Variants in RBM47 observed in about 807,000 individuals in gnomAD.
The protein encoded by RBM47 is RNA binding motif protein 47.
Under a neutral mutation model 47.1 loss-of-function variants are expected in RBM47, and 21 were observed. The ratio of observed to expected loss-of-function variants is 0.45; its 90% CI spans 0.32 to 0.64. RBM47 has a LOEUF of 0.64. Among genes scored for constraint, RBM47 ranks in the 30% least tolerant of loss-of-function variants. The pLI is 0.05. For missense variants in RBM47, 708 were observed against 870.9 expected (o/e 0.81, Z 2.35); for synonymous variants, 375 against 361.7 (o/e 1.04, Z -0.42).
chr4:40,475,208 T>C (rs1210121814), intron 2 of RBM47, among the ~76,000 whole-genome samples: 1 of 152,244 alleles, frequency 6.6e-6, no homozygotes, highest in African/African-American at 2.4e-5. Flanking sequence ...ATGTCATCAT[T>C]GTCAACCTTT....
chr4:40,520,690 G>A (rs1726111797), intron 2 of RBM47, among the ~76,000 whole-genome samples: 1 of 152,186 alleles, frequency 6.6e-6, no homozygotes, highest in African/African-American at 2.4e-5. Flanking sequence ...CCCTTTAGAG[G>A]ACTTCAAAGA....
chr4:40,568,428 CAAAAAAAAAAAA>C (rs35434439), intron 1 of RBM47, among the ~76,000 whole-genome samples: 2 of 57,574 alleles, frequency 3.5e-5, no homozygotes, highest in South Asian at 6.9e-4. Context: ...AACCCTGTCT[CAAAAAAAAAAAA>C]AAAAAAAAAA....
Position 40,438,640 on chromosome 4 carries a change from T to G in RBM47, c.254A>C (p.Asp85Ala), listed in dbSNP as rs752449513. Reference sequence around the variant, plus strand: ...GGCCTCGAACACGGGCACCAGCTCGTCCTCGTACACGTCGCGCGGGATCTT... The same window carrying G: ...GGCCTCGAACACGGGCACCAGCTCGGCCTCGTACACGTCGCGCGGGATCTT... The part of the protein sequence containing the change: ...VGKIPRDVYE[D>A]ELVPVFEAVG... The change falls in exon 4 of 7, where the codon GAC becomes GCC. Residue 85 changes from aspartate to alanine, a missense_variant. Transcript: ENST00000295971. 1.2e-6 allele frequency: 2 copies of G among 1,613,118 alleles called. No homozygotes were observed. The highest frequency in any genetic ancestry group is 1.7e-6 in the Non-Finnish European group (2 of 1,179,474).
At chr4:40,495,587 A>T (rs1216688768) in intron 2 of RBM47, among the ~76,000 whole-genome samples, 2 of 151,896 alleles carry the variant, frequency 1.3e-5, no homozygotes. Context: ...GGGTGACAAG[A>T]GTGAAATTTC....
rs370320340 is a variant in RBM47 at position 40,443,045 on chromosome 4, G to A, written c.-31-4121C>T. 1.3e-4 allele frequency among the ~76,000 whole-genome samples: 20 copies of A among 152,268 alleles called. No homozygotes were observed. The East Asian group carries it at 3.9e-3, about 29-fold the overall frequency. On this transcript the variant is annotated intron_variant, in intron 3 of 6. Transcript: ENST00000295971. ...ACCTTGAAGACATTATGCTAATAGT[G>A]AAATAAGCCAGACACAAAGGGATAA...
At chr4:40,522,768 C>T (rs1180161833) in intron 2 of RBM47, among the ~76,000 whole-genome samples, 13 of 151,884 alleles carry the variant, frequency 8.6e-5, no homozygotes, top group Non-Finnish European at 1.5e-4. Context: ...AAAATATAAA[C>T]GACATGATCT....
At chr4:40,616,406 C>A (rs772314633) in intron 1 of RBM47, among the ~76,000 whole-genome samples, 1 of 150,870 alleles carries the variant, frequency 6.6e-6, no homozygotes, top group Non-Finnish European at 1.5e-5. Flanking sequence ...TTGCTTGAGA[C>A]CAAAATCATT....
At position 40,424,157 on chromosome 4, in the gene RBM47, C is replaced by T. The variant is rs1714723449; in HGVS notation, c.*1747G>A. On this transcript the variant is annotated 3_prime_UTR_variant, in exon 7 of 7. Transcript: ENST00000295971. ...CTTAATTTAAAACAAAACAAAAGTA[C>T]TTGCTAAGGGCATGATCCTCTTATG... 6.6e-6 allele frequency: 1 copy of T among 152,178 alleles called. No individual in the cohort carries two copies. Among genetic ancestry groups the T allele is most frequent in the Admixed American group, 6.6e-5 (1 of 15,260 alleles). The allele number at this position is 152,178 out of a possible 1,614,324, so 9.4% of individuals were successfully genotyped here.
At chr4:40,528,405 T>TA (rs769489642) in intron 2 of RBM47, among the ~76,000 whole-genome samples, 2,765 of 147,774 alleles carry the variant, frequency 0.019, 83 homozygotes, top group African/African-American at 0.058. Flanking sequence ...GAGGCTTTTT[T>TA]AAAAAAAAAA....
chr4:40,489,770 C>T (rs939693735), intron 2 of RBM47, among the ~76,000 whole-genome samples: 4 of 152,172 alleles, frequency 2.6e-5, no homozygotes, highest in Admixed American at 2.0e-4. Context: ...CAATCCTTCA[C>T]AAATTCTTCC....
chr4:40,454,016 G>A (rs1577672407), intron 3 of RBM47, among the ~76,000 whole-genome samples: 1 of 152,294 alleles, frequency 6.6e-6, no homozygotes, highest in East Asian at 1.9e-4. Context: ...GTACGGGGTA[G>A]ACGCCTGCTG....
At chr4:40,511,398 G>A (rs1273132094) in intron 2 of RBM47, among the ~76,000 whole-genome samples, 1 of 152,186 alleles carries the variant, frequency 6.6e-6, no homozygotes, top group African/African-American at 2.4e-5. Flanking sequence ...AAGGATGGAA[G>A]GAGCAGATAA....
chr4:40,430,941 G>A (rs975006864), intron 6 of RBM47, among the ~76,000 whole-genome samples: 6 of 152,010 alleles, frequency 3.9e-5, no homozygotes, highest in East Asian at 1.9e-4. Context: ...AAAGTTAGCC[G>A]GGCATGGTGG....
intron 2 of RBM47, among the ~76,000 whole-genome samples, chr4:40,522,512 AC>A (rs1457486625): frequency 6.6e-6 from 1 of 152,094 alleles, no homozygotes; most frequent in Non-Finnish European, 1.5e-5. Flanking sequence ...CTCAAACAAA[AC>A]AAAACAAAAC....
chr4:40,560,439 T>TAA (rs35788683), intron 1 of RBM47, among the ~76,000 whole-genome samples: 4 of 151,032 alleles, frequency 2.6e-5, no homozygotes, highest in Admixed American at 6.6e-5. Flanking sequence ...CAGGTGCATT[T>TAA]AAAAAAAAAA....
intron 2 of RBM47, among the ~76,000 whole-genome samples, chr4:40,526,839 A>T (rs1726769215): frequency 7.1e-6 from 1 of 140,906 alleles, no homozygotes; most frequent in South Asian, 2.2e-4. Context: ...AAAATGTAAA[A>T]ACCATTAGCT....
In RBM47 at chr4:40,536,600, G is replaced by A. The variant is rs141857329; in HGVS notation, c.-155+7822C>T. 4.4e-3 allele frequency among the ~76,000 whole-genome samples: 666 copies of A among 152,164 alleles called. 5 individuals carry two copies. The highest frequency in any genetic ancestry group is 0.015 in the African/African-American group (624 of 41,492). On this transcript the variant is annotated intron_variant, in intron 2 of 6. Transcript: ENST00000295971. ...TCTATGGTAGGTCCAGACCTCTTCC[G>A]TTTAGGTAGACAGGCCTCCTTTTGT...
In RBM47 at chr4:40,592,581, T is replaced by C. The variant is rs573682327; in HGVS notation, c.-240+36815A>G. On this transcript the variant is annotated intron_variant, in intron 1 of 6. Transcript: ENST00000295971. ...CTAGGATTACAGGCATGCGACACCA[T>C]GCACGCCGAATTTTGTATTTTTAGT... Among the ~76,000 whole-genome samples, 3 of 151,752 alleles carry C rather than the reference T, an allele frequency of 2.0e-5. No homozygotes were observed. In the South Asian group the frequency reaches 6.3e-4, roughly 32 times the overall value.
chr4:40,620,829 C>T (rs1053694736), intron 1 of RBM47, among the ~76,000 whole-genome samples: 2 of 152,064 alleles, frequency 1.3e-5, no homozygotes, highest in African/African-American at 2.4e-5. Flanking sequence ...CCACTGCACC[C>T]GGCCCCCCTA....
Sources: gnomAD v4.1 joint callset for allele counts (sites outside exome capture counted in the v4.1 genomes callset) on GRCh38, gnomAD v4.1.1 for gene constraint, MANE v1.5 for transcripts, NCBI Gene and HGNC (gene_info 2026-07-23, HGNC 2026-07-21) for gene names.